The following CACNB4 variants were observed in gnomAD, a reference collection of about 807,000 sequenced individuals.
The protein encoded by CACNB4 is voltage-dependent L-type calcium channel subunit beta-4.
In CACNB4, 32 loss-of-function variants were observed where a neutral mutation model predicts 71.2. The ratio of observed to expected loss-of-function variants is 0.45; its 90% CI spans 0.34 to 0.60. The LOEUF (loss-of-function observed/expected upper bound fraction) is 0.60. Among genes scored for constraint, CACNB4 ranks in the 20% least tolerant of loss-of-function variants. The pLI, the probability that CACNB4 is intolerant of heterozygous loss-of-function variation, is 0.01. For synonymous variants in CACNB4, 231 were observed against 236.9 expected (o/e 0.97, Z 0.23); for missense variants, 464 against 647.9 (o/e 0.72, Z 3.08).
intron 2 of CACNB4, among the ~76,000 whole-genome samples, chr2:151,984,370 C>G (rs761346450): frequency 1.3e-5 from 2 of 152,158 alleles, no homozygotes; most frequent in Non-Finnish European, 2.9e-5. Flanking sequence ...ATGAGCTTTT[C>G]TCAACCAGGT....
Position 151,945,875 on chromosome 2 carries a change from T to TA in CACNB4, c.148-62506dup, listed in dbSNP as rs34099714. On this transcript the variant is annotated intron_variant, in intron 2 of 13. Transcript: ENST00000539935. Reference sequence around the variant, plus strand: ...TGATGGAGCAAGATGACCCTGTCTTTAAAAAAAAAAAAAAAAAAGAATTAC... The same window carrying TA: ...TGATGGAGCAAGATGACCCTGTCTTTAAAAAAAAAAAAAAAAAAAGAATTAC... Among the ~76,000 whole-genome samples the TA allele has an allele frequency of 1.9e-4, 26 of 135,124 alleles. No homozygotes were observed. In the East Asian group the frequency reaches 2.0e-3, roughly 10 times the overall value. 88.6% of individuals were successfully genotyped at this position (135,124 alleles called of 152,430 possible). A position where few individuals can be genotyped will look rare whatever the true frequency, so the allele number is the denominator to read the frequency against.
intron 2 of CACNB4, chr2:151,970,493 C>T (rs1015862664): frequency 6.6e-6 from 1 of 152,014 alleles, no homozygotes; most frequent in African/African-American, 2.4e-5. Context: ...ACAATGAATC[C>T]ATTTATGAAA....
intron 2 of CACNB4, among the ~76,000 whole-genome samples, chr2:152,063,067 C>G (rs1011182716): frequency 7.9e-5 from 12 of 152,136 alleles, no homozygotes; most frequent in African/African-American, 2.9e-4. Context: ...ATTCACTAAC[C>G]TCTTAGGGAG....
intron 2 of CACNB4, among the ~76,000 whole-genome samples, chr2:152,002,440 C>T (rs75659631): frequency 0.041 from 6,201 of 152,178 alleles, 169 homozygotes; most frequent in Non-Finnish European, 0.061. Flanking sequence ...CAAATACTGT[C>T]GAGGTTATAC....
chr2:152,009,128 C>T (rs1323268354), intron 2 of CACNB4, among the ~76,000 whole-genome samples: 2 of 150,420 alleles, frequency 1.3e-5, no homozygotes, highest in African/African-American at 2.5e-5. Context: ...GAGTTCAAGG[C>T]TGCAGTTAGC....
rs552737335 is a variant in CACNB4, at chr2:152,091,737, C to T, written c.147+6593G>A. On this transcript the variant is annotated intron_variant, in intron 2 of 13. Transcript: ENST00000539935. The stretch of plus-strand genomic sequence containing the variant: ...CTGCTCTACTTTCCATCTCAGAGGG[C>T]CACTGCCTGCAGCTTGTTTCCCAGA... 2.0e-5 allele frequency among the ~76,000 whole-genome samples: 3 copies of T among 152,298 alleles called. No homozygotes were observed. In the South Asian group the frequency reaches 6.2e-4, roughly 32 times the overall value.
chr2:151,843,853 C>T (rs1414988711), intron 12 of CACNB4, among the ~76,000 whole-genome samples: 7 of 152,202 alleles, frequency 4.6e-5, no homozygotes, highest in Non-Finnish European at 1.0e-4. Context: ...AAGCAGAAGT[C>T]ACCATGGAAA....
intron 2 of CACNB4, among the ~76,000 whole-genome samples, chr2:151,884,447 T>C (rs1439007128): frequency 7.7e-6 from 1 of 130,624 alleles, no homozygotes; most frequent in Non-Finnish European, 1.6e-5. Context: ...CATGGTGAAA[T>C]CCCGTCTCTA....
chr2:151,954,039 T>C (rs2099867581), intron 2 of CACNB4, among the ~76,000 whole-genome samples: 1 of 152,184 alleles, frequency 6.6e-6, no homozygotes, highest in Non-Finnish European at 1.5e-5. Flanking sequence ...ATGCCTCCCA[T>C]CTTAACATGA....
intron 12 of CACNB4, among the ~76,000 whole-genome samples, chr2:151,847,382 A>C (rs2151332721): frequency 6.6e-6 from 1 of 152,244 alleles, no homozygotes; most frequent in East Asian, 1.9e-4. Context: ...AAAACAAAAC[A>C]AACCATGCAC....
At chr2:152,010,487 G>A (rs777256792) in intron 2 of CACNB4, among the ~76,000 whole-genome samples, 1 of 152,158 alleles carries the variant, frequency 6.6e-6, no homozygotes, top group Non-Finnish European at 1.5e-5. Flanking sequence ...ATAATGACTA[G>A]GGCAATGGGA....
chr2:151,904,442 T>C (rs79124768), intron 2 of CACNB4, among the ~76,000 whole-genome samples: 1,334 of 126,662 alleles, frequency 0.011, 18 homozygotes, highest in African/African-American at 0.031. Flanking sequence ...TCCTATTTTA[T>C]TCCACTAACC....
rs528539188 is a variant in CACNB4, at chr2:151,976,402, T to A, written c.148-93032A>T. Among the ~76,000 whole-genome samples the A allele has an allele frequency of 3.3e-5, 5 of 152,346 alleles. No individual in the cohort carries two copies. In the East Asian group the frequency reaches 9.6e-4, roughly 29 times the overall value. ...TAAGAGTTTTCAAGATGAGGGGCAG[T>A]AGGCGTGTTCCCAAGAGGAATTTGG... On this transcript the variant is annotated intron_variant, in intron 2 of 13. Transcript: ENST00000539935.
chr2:152,019,290 T>C (rs1683524183), intron 2 of CACNB4, among the ~76,000 whole-genome samples: 2 of 152,230 alleles, frequency 1.3e-5, no homozygotes, highest in South Asian at 4.1e-4. Flanking sequence ...CCTCTATGCC[T>C]CAGGAATATG....
intron 2 of CACNB4, chr2:151,972,511 G>A (rs889699295): frequency 3.9e-5 from 6 of 152,178 alleles, no homozygotes; most frequent in Non-Finnish European, 5.9e-5. Flanking sequence ...CTGACAGTCT[G>A]ATCATTTATG....
chr2:151,948,941 T>TA (rs2099866238), intron 2 of CACNB4, among the ~76,000 whole-genome samples: 1 of 152,152 alleles, frequency 6.6e-6, no homozygotes. Context: ...TACATTTGTT[T>TA]AAAGGTAGAT....
chr2:151,875,635 C>T (rs1212262067), intron 5 of CACNB4, among the ~76,000 whole-genome samples: 2 of 142,932 alleles, frequency 1.4e-5, no homozygotes, highest in African/African-American at 2.8e-5. Context: ...GACCCCTCCA[C>T]CTCCCTCCCG....
chr2:151,929,478 T>C (rs559721458), intron 2 of CACNB4, among the ~76,000 whole-genome samples: 12 of 152,352 alleles, frequency 7.9e-5, no homozygotes, highest in Admixed American at 5.9e-4. Flanking sequence ...GGTTATAACC[T>C]GCAGTTTGAA....
chr2:152,094,087 C>T (rs1196192873), intron 2 of CACNB4, among the ~76,000 whole-genome samples: 1 of 152,184 alleles, frequency 6.6e-6, no homozygotes, highest in Non-Finnish European at 1.5e-5. Context: ...GATGGGGAGA[C>T]AGAATGTAAC....
Sources: gnomAD v4.1 joint callset for allele counts (sites outside exome capture counted in the v4.1 genomes callset) on GRCh38, gnomAD v4.1.1 for gene constraint, MANE v1.5 for transcripts, NCBI Gene and HGNC (gene_info 2026-07-23, HGNC 2026-07-21) for gene names.